Variants in CTNNA2 observed in about 807,000 individuals in gnomAD.
CTNNA2 encodes catenin alpha 2.
CTNNA2 carries 42 observed loss-of-function variants against 101.0 expected under a neutral mutation model. The observed-to-expected ratio is 0.42, with a 90% CI of 0.32 to 0.54. The LOEUF (loss-of-function observed/expected upper bound fraction) is 0.54. Ranked by LOEUF, CTNNA2 falls within the 20% of genes least tolerant of loss-of-function variation. The pLI is 0.14. For missense variants in CTNNA2, 871 were observed against 1,223.1 expected (o/e 0.71, Z 4.29); for synonymous variants, 450 against 456.4 (o/e 0.99, Z 0.18).
intron 7 of CTNNA2, among the ~76,000 whole-genome samples, chr2:80,327,947 T>G (rs2149257476): frequency 6.6e-6 from 1 of 152,340 alleles, no homozygotes; most frequent in African/African-American, 2.4e-5. Context: ...TTTTTTATTT[T>G]TTATGTTACT....
chr2:79,469,861 C>T (rs543401724), intron 4 of CTNNA2, among the ~76,000 whole-genome samples: 141 of 152,240 alleles, frequency 9.3e-4, no homozygotes, highest in African/African-American at 3.3e-3. Flanking sequence ...AATAAATTAG[C>T]TATTGATGGG....
chr2:79,762,963 C>T (rs545985734), intron 3 of CTNNA2, among the ~76,000 whole-genome samples: 2 of 152,260 alleles, frequency 1.3e-5, no homozygotes, highest in African/African-American at 4.8e-5. Context: ...CTGTAACAAA[C>T]TGTTTTTCAG....
At chr2:80,002,417 C>T (rs897556010) in intron 7 of CTNNA2, among the ~76,000 whole-genome samples, 21 of 152,124 alleles carry the variant, frequency 1.4e-4, no homozygotes, top group African/African-American at 4.6e-4. Flanking sequence ...TGAGTTTGAC[C>T]AAGTGGAAAA....
chr2:79,650,775 A>G (rs1368998565), intron 1 of CTNNA2, among the ~76,000 whole-genome samples: 4 of 130,888 alleles, frequency 3.1e-5, no homozygotes, highest in East Asian at 2.8e-4. Context: ...TCCCAATGCT[A>G]TCCCTCCCCC....
At chr2:79,258,845 CAAAAAAAAAAAA>C (rs869066159) in intron 2 of CTNNA2, among the ~76,000 whole-genome samples, 3 of 91,394 alleles carry the variant, frequency 3.3e-5, no homozygotes, top group Non-Finnish European at 4.1e-5. Flanking sequence ...AATCCTCTAC[CAAAAAAAAAAAA>C]AAAAAAAAAA....
intron 7 of CTNNA2, among the ~76,000 whole-genome samples, chr2:80,265,771 C>G (rs1026463669): frequency 6.6e-6 from 1 of 152,188 alleles, no homozygotes; most frequent in Non-Finnish European, 1.5e-5. Context: ...CCTCTGTGGA[C>G]ACAGATAACA....
intron 4 of CTNNA2, among the ~76,000 whole-genome samples, chr2:79,414,264 C>G (rs6729214): frequency 0.3 from 45,183 of 151,558 alleles, 6,875 homozygotes; most frequent in South Asian, 0.44. Context: ...AGTTTTACGA[C>G]TAATAAATTC....
intron 7 of CTNNA2, among the ~76,000 whole-genome samples, chr2:80,031,202 G>T (rs902455058): frequency 6.6e-6 from 1 of 152,142 alleles, no homozygotes; most frequent in Admixed American, 6.5e-5. Flanking sequence ...TGATGTACAT[G>T]TGTATATATC....
intron 7 of CTNNA2, among the ~76,000 whole-genome samples, chr2:79,992,120 A>T (rs2103902239): frequency 6.6e-6 from 1 of 152,312 alleles, no homozygotes; most frequent in Non-Finnish European, 1.5e-5. Context: ...TCCTAAGATA[A>T]TAATGTAATT....
At chr2:80,604,816 A>T (rs946239044) in intron 16 of CTNNA2, among the ~76,000 whole-genome samples, 1 of 151,718 alleles carries the variant, frequency 6.6e-6, no homozygotes, top group Non-Finnish European at 1.5e-5. Flanking sequence ...GTTGTCGCGG[A>T]CTCTACCAGG....
chr2:79,725,917 T>C (rs149593471), intron 2 of CTNNA2, among the ~76,000 whole-genome samples: 325 of 152,290 alleles, frequency 2.1e-3, no homozygotes, highest in Admixed American at 2.9e-3. Flanking sequence ...ACTAAGGAAA[T>C]GCATGTGAAT....
intron 7 of CTNNA2, among the ~76,000 whole-genome samples, chr2:80,188,843 G>A (rs1423898558): frequency 1.3e-5 from 2 of 152,070 alleles, no homozygotes; most frequent in Non-Finnish European, 2.9e-5. Context: ...ACATTTGCAG[G>A]GTCCTGAGAT....
chr2:79,747,015 A>G (rs547558070), intron 3 of CTNNA2, among the ~76,000 whole-genome samples: 2 of 152,310 alleles, frequency 1.3e-5, no homozygotes, highest in African/African-American at 4.8e-5. Flanking sequence ...CACTGTATCA[A>G]TTCACAGCTG....
At chr2:79,626,811 G>A (rs1048185986) in intron 1 of CTNNA2, among the ~76,000 whole-genome samples, 1 of 152,046 alleles carries the variant, frequency 6.6e-6, no homozygotes, top group African/African-American at 2.4e-5. Context: ...TTGCTGTGGA[G>A]CTGGTGTGGT....
chr2:79,846,171 T>G (rs1680218697), intron 3 of CTNNA2, among the ~76,000 whole-genome samples: 1 of 152,236 alleles, frequency 6.6e-6, no homozygotes, highest in Non-Finnish European at 1.5e-5. Context: ...ACCAATTACT[T>G]GGAACATTTT....
rs969023519 is a variant in CTNNA2 at position 80,054,113 on chromosome 2, T to C, written c.1056+144316T>C. Among the ~76,000 whole-genome samples, 4 of 152,348 alleles carry C rather than the reference T, an allele frequency of 2.6e-5. No individual in the cohort carries two copies. In the East Asian group the frequency reaches 7.7e-4, roughly 29 times the overall value. On this transcript the variant is annotated intron_variant, in intron 7 of 18. Transcript: ENST00000402739. ...GAAAATAAAAAGTACCTATTCACTC[T>C]TTACGTTGTATGCCACTGCTCAGTT...
At chr2:80,601,213 G>T (rs1284797414) in intron 15 of CTNNA2, among the ~76,000 whole-genome samples, 1 of 151,844 alleles carries the variant, frequency 6.6e-6, no homozygotes, top group Non-Finnish European at 1.5e-5. Context: ...CTTTTTGTCT[G>T]TGTGTGTGTA....
chr2:80,647,464 T>C (rs1674231781), intron 18 of CTNNA2, 121 bp from the exon 19 acceptor site: 1 of 879,826 alleles, frequency 1.1e-6, no homozygotes, highest in South Asian at 2.1e-5. Flanking sequence ...ATTTGCTCCT[T>C]TTCAGCAATA....
intron 4 of CTNNA2, among the ~76,000 whole-genome samples, chr2:79,436,428 G>A (rs1678715519): frequency 6.6e-6 from 1 of 152,104 alleles, no homozygotes; most frequent in Non-Finnish European, 1.5e-5. Context: ...GGGTAGGCTG[G>A]TTGTGTTTAA....
Sources: allele counts gnomAD v4.1 joint callset (sites outside exome capture counted in the v4.1 genomes callset), GRCh38; gene constraint gnomAD v4.1.1; transcripts MANE v1.5; gene names NCBI Gene and HGNC (gene_info 2026-07-23, HGNC 2026-07-21).